Variants in ENPP6 observed in about 807,000 individuals in gnomAD.
ENPP6 encodes ectonucleotide pyrophosphatase/phosphodiesterase 6, also known as glycerophosphocholine cholinephosphodiesterase ENPP6.
A neutral mutation model predicts 42.0 loss-of-function variants in ENPP6; 32 were observed. That is an observed-to-expected ratio of 0.76 (90% CI 0.58 to 1.02). The LOEUF (loss-of-function observed/expected upper bound fraction) is 1.02. Among genes scored for constraint, ENPP6 ranks in the 50% least tolerant of loss-of-function variants. The pLI is 0.00. For synonymous variants in ENPP6, 213 were observed against 216.0 expected (o/e 0.99, Z 0.12); for missense variants, 552 against 566.8 (o/e 0.97, Z 0.27).
chr4:184,091,281 A>G lies in ENPP6; in HGVS notation c.1219T>C (p.Trp407Arg), dbSNP rs756451497. The G allele has an allele frequency of 3.1e-6, 5 of 1,613,948 alleles. No individual in the cohort carries two copies. The South Asian group carries it at 3.3e-5, about 11-fold the overall frequency. ...GITPLPNNGS[W>R]SRVMCMLKGR... ...TTCAGCATGCACATCACCCTGGACCAGGATCCGTTGTTGGGCAGCGGGGTG... is the reference window on the plus strand; with the variant it reads ...TTCAGCATGCACATCACCCTGGACCGGGATCCGTTGTTGGGCAGCGGGGTG... The change falls in exon 8 of 8, where the codon TGG (tryptophan) becomes CGG (arginine). Residue 407 changes from tryptophan (W) to arginine (R), a missense_variant. By Grantham distance (101) the Trp-to-Arg change is moderately radical (BLOSUM62 -3). This residue lies in a region of ENPP6 where 545 missense variants were observed against 546.3 expected (regional missense o/e 1.00). Transcript: ENST00000296741.
intron 1 of ENPP6, among the ~76,000 whole-genome samples, chr4:184,171,573 T>C (rs766526958): frequency 1.3e-5 from 2 of 152,166 alleles, no homozygotes; most frequent in African/African-American, 2.4e-5. Flanking sequence ...AGAAAACAAA[T>C]TCAAATAATT....
intron 2 of ENPP6, among the ~76,000 whole-genome samples, chr4:184,145,435 T>A (rs1736901540): frequency 6.6e-6 from 1 of 152,242 alleles, no homozygotes; most frequent in Non-Finnish European, 1.5e-5. Context: ...CTCAATTGAT[T>A]TTAAGAAGTG....
intron 6 of ENPP6, among the ~76,000 whole-genome samples, chr4:184,110,032 C>T (rs953850833): frequency 1.3e-5 from 2 of 151,984 alleles, no homozygotes; most frequent in Admixed American, 6.6e-5. Flanking sequence ...CAGCAGAGTA[C>T]GGGACGGAAG....
chr4:184,100,783 G>T (rs1287937346), intron 6 of ENPP6, among the ~76,000 whole-genome samples: 1 of 152,220 alleles, frequency 6.6e-6, no homozygotes, highest in Non-Finnish European at 1.5e-5. Flanking sequence ...GTCCCTGCCA[G>T]CATGTGGGAG....
At chr4:184,111,208 G>A (rs898006869) in intron 6 of ENPP6, among the ~76,000 whole-genome samples, 12 of 152,162 alleles carry the variant, frequency 7.9e-5, no homozygotes, top group Admixed American at 7.2e-4. Flanking sequence ...AGCTAAAGAC[G>A]ACAGAGTAAT....
At chr4:184,117,388 G>A (rs955026148) in intron 4 of ENPP6, among the ~76,000 whole-genome samples, 2 of 152,230 alleles carry the variant, frequency 1.3e-5, no homozygotes, top group African/African-American at 4.8e-5. Context: ...GGAAGGGAAA[G>A]CAAAGGTAAA....
intron 4 of ENPP6, among the ~76,000 whole-genome samples, chr4:184,117,255 T>C (rs1378013038): frequency 1.3e-5 from 2 of 152,184 alleles, no homozygotes; most frequent in Non-Finnish European, 2.9e-5. Context: ...GCTGACACCT[T>C]ACACAGCACT....
At chr4:184,153,189 A>G (rs1737086921) in intron 2 of ENPP6, among the ~76,000 whole-genome samples, 1 of 150,342 alleles carries the variant, frequency 6.7e-6, no homozygotes, top group African/African-American at 2.5e-5. Flanking sequence ...GCAATGGCGC[A>G]ATCTCAGCTC....
intron 6 of ENPP6, among the ~76,000 whole-genome samples, chr4:184,109,702 T>C (rs574594886): frequency 4.6e-5 from 7 of 152,340 alleles, no homozygotes; most frequent in African/African-American, 1.7e-4. Flanking sequence ...TTGGAAGTGA[T>C]TGTATATGTT....
chr4:184,210,752 G>A (rs1476908319), intron 1 of ENPP6, among the ~76,000 whole-genome samples: 2 of 150,712 alleles, frequency 1.3e-5, no homozygotes, highest in African/African-American at 2.4e-5. Context: ...AGACATCTAC[G>A]GAACTCTCCA....
At position 184,097,369 on chromosome 4, in the gene ENPP6, C is replaced by T. The variant is rs4328950; in HGVS notation, c.994-1G>A. ...TCCAAAACGGAAGCATCTCTCGATTCTGAAACCAAGCAAGGCAGACACATG... is the reference window on the plus strand; with the variant it reads ...TCCAAAACGGAAGCATCTCTCGATTTTGAAACCAAGCAAGGCAGACACATG... On this transcript the variant is annotated splice_acceptor_variant, in intron 6 of 7. Coordinates refer to ENST00000296741, the MANE Select transcript of ENPP6 (RefSeq NM_153343.4). LOFTEE classifies it high-confidence loss of function. 1 of 1,614,114 alleles carries T rather than the reference C, an allele frequency of 6.2e-7. No homozygotes were observed. Among genetic ancestry groups the T allele is most frequent in the Non-Finnish European group, 8.5e-7 (1 of 1,179,994 alleles).
chr4:184,162,895 G>A (rs1169690326), intron 1 of ENPP6, among the ~76,000 whole-genome samples: 1 of 152,122 alleles, frequency 6.6e-6, no homozygotes, highest in Non-Finnish European at 1.5e-5. Context: ...GCATGAAGAA[G>A]CAACCCAGGA....
intron 6 of ENPP6, among the ~76,000 whole-genome samples, chr4:184,105,716 ATAACT>A (rs1182077701): frequency 1.3e-5 from 2 of 152,348 alleles, no homozygotes; most frequent in East Asian, 3.9e-4. Context: ...AAAATATAAA[ATAACT>A]TGATGTGTAT....
At chr4:184,113,304 T>C (rs1736235066) in intron 5 of ENPP6, among the ~76,000 whole-genome samples, 2 of 152,224 alleles carry the variant, frequency 1.3e-5, no homozygotes, top group Admixed American at 1.3e-4. Flanking sequence ...TCCAATTCTA[T>C]ATTTCTTATT....
intron 2 of ENPP6, among the ~76,000 whole-genome samples, chr4:184,140,546 A>C (rs62340125): frequency 0.58 from 66,761 of 114,356 alleles, 19,532 homozygotes; most frequent in Non-Finnish European, 0.65. Context: ...ACAGAGATAT[A>C]GATCAATGGA....
intron 3 of ENPP6, among the ~76,000 whole-genome samples, chr4:184,123,621 T>G (rs190427633): frequency 6.6e-6 from 1 of 152,318 alleles, no homozygotes. Context: ...TCAGTGTCCT[T>G]GACAGACTCT....
At chr4:184,125,300 C>T (rs1289321013) in intron 2 of ENPP6, among the ~76,000 whole-genome samples, 2 of 152,162 alleles carry the variant, frequency 1.3e-5, no homozygotes, top group East Asian at 3.8e-4. Context: ...TGCAGGTGGG[C>T]TGGGAGGAAG....
rs116472323 is a variant in ENPP6 at position 184,147,212 on chromosome 4, C to T, written c.421+6342G>A. On this transcript the variant is annotated intron_variant, in intron 2 of 7. Coordinates refer to ENST00000296741, the MANE Select transcript of ENPP6 (RefSeq NM_153343.4). ...ACCGTCCAATCCCTTACTCCCAAAT[C>T]CAATCCATCAGCAGGTCCTGGCAGT... 6.2e-3 allele frequency among the ~76,000 whole-genome samples: 937 copies of T among 152,298 alleles called. 13 individuals carry two copies. Among genetic ancestry groups the T allele is most frequent in the African/African-American group, 0.021 (888 of 41,556 alleles).
chr4:184,099,881 G>A (rs993455080), intron 6 of ENPP6, among the ~76,000 whole-genome samples: 7 of 152,186 alleles, frequency 4.6e-5, no homozygotes, highest in Admixed American at 1.3e-4. Context: ...TCTACAAGGC[G>A]GTGAGCACTG....
Sources: allele counts gnomAD v4.1 joint callset (sites outside exome capture counted in the v4.1 genomes callset), GRCh38; gene constraint gnomAD v4.1.1; regional missense constraint gnomAD v4.1.1; transcripts MANE v1.5; gene names NCBI Gene and HGNC (gene_info 2026-07-23, HGNC 2026-07-21).